MTIF2: variants seen among roughly 807,000 people sequenced by gnomAD.
MTIF2 encodes translation initiation factor IF-2, mitochondrial.
Under a neutral mutation model 83.5 loss-of-function variants are expected in MTIF2, and 71 were observed. The observed-to-expected ratio is 0.85, with a 90% CI of 0.70 to 1.04. The LOEUF (loss-of-function observed/expected upper bound fraction) is 1.04, where lower values mean the gene tolerates loss of function less well. Ranked by LOEUF, MTIF2 falls within the 50% of genes least tolerant of loss-of-function variation. The probability of loss-of-function intolerance (pLI) is 0.00; values close to 1 mark genes in which losing one functional copy is unlikely to be tolerated. For synonymous variants in MTIF2, 319 were observed against 287.1 expected, an observed-to-expected ratio of 1.11 and a Z score of -1.12; for missense variants, 957 against 846.5, an observed-to-expected ratio of 1.13 and a Z score of -1.62.
At chr2:55,254,308 C>T in intron 6 of MTIF2, 107 bp from the exon 7 acceptor site, 1 of 1,284,064 alleles carries the variant, frequency 7.8e-7, no homozygotes, top group Non-Finnish European at 1.1e-6. Flanking sequence ...CAATAAAACC[C>T]AATATTCAGT....
intron 5 of MTIF2, among the ~76,000 whole-genome samples, chr2:55,256,883 G>C (rs921073469): frequency 6.6e-6 from 1 of 151,610 alleles, no homozygotes; most frequent in Non-Finnish European, 1.5e-5. Flanking sequence ...ATTTTTTGTA[G>C]AGAAGGGTTC....
Position 55,242,962 on chromosome 2 carries a change from A to G in MTIF2, c.1683T>C (p.Val561=). The change falls in exon 13 of 16, where the codon GTT becomes GTC. Residue 561 remains valine (V), a synonymous_variant. Transcript: ENST00000263629. ...FGVGDVSAND[V]NLAETFDGVI... ...TACCATCAAATGTTTCAGCAAGGTT[A>G]ACATCATTTGCACTTACATCACCCA... 2 of 1,610,910 alleles carry G rather than the reference A, an allele frequency of 1.2e-6. No individual in the cohort carries two copies. Among genetic ancestry groups the G allele is most frequent in the South Asian group, 1.1e-5 (1 of 90,488 alleles).
intron 5 of MTIF2, among the ~76,000 whole-genome samples, chr2:55,261,060 C>A (rs1376625035): frequency 6.6e-6 from 1 of 151,646 alleles, no homozygotes; most frequent in Non-Finnish European, 1.5e-5. Flanking sequence ...GATCTCGGCT[C>A]ACTGCAAGCT....
intron 7 of MTIF2, among the ~76,000 whole-genome samples, chr2:55,253,344 A>G (rs56887573): frequency 0.076 from 11,549 of 152,242 alleles, 1,407 homozygotes; most frequent in African/African-American, 0.26. Context: ...AAAATTGTAG[A>G]CTCATTAAAT....
At chr2:55,267,086 A>G (rs1264229941) in intron 3 of MTIF2, among the ~76,000 whole-genome samples, 4 of 148,510 alleles carry the variant, frequency 2.7e-5, no homozygotes, top group African/African-American at 7.4e-5. Flanking sequence ...TTACATTTCA[A>G]CCAATCTTCC....
intron 13 of MTIF2, among the ~76,000 whole-genome samples, chr2:55,240,561 T>C (rs1339465873): frequency 1.3e-5 from 2 of 152,002 alleles, no homozygotes; most frequent in East Asian, 3.9e-4. Context: ...CCTGGGCAAA[T>C]AGAGCAAAAC....
chr2:55,249,908 A>G (rs1468747123), intron 8 of MTIF2, among the ~76,000 whole-genome samples: 1 of 152,128 alleles, frequency 6.6e-6, no homozygotes, highest in African/African-American at 2.4e-5. Flanking sequence ...CCTGGCCAAC[A>G]TGGAGAAATC....
At chr2:55,251,302 T>G (rs919550411) in intron 8 of MTIF2, among the ~76,000 whole-genome samples, 3 of 152,058 alleles carry the variant, frequency 2.0e-5, no homozygotes, top group African/African-American at 7.2e-5. Flanking sequence ...CTAGAATCAT[T>G]AAGAACATAG....
Position 55,246,369 on chromosome 2 carries a change from T to C in MTIF2, c.1074A>G (p.Thr358=), listed in dbSNP as rs1558559182. The C allele has an allele frequency of 1.2e-6, 2 of 1,613,888 alleles. No homozygotes were observed. Among genetic ancestry groups the C allele is most frequent in the Non-Finnish European group, 1.7e-6 (2 of 1,179,918 alleles). The change falls in exon 10 of 16, where the codon ACA becomes ACG. Residue 358 remains threonine (T), a synonymous_variant. Transcript: ENST00000263629. ...CTTTGTCTGTGAAAGACTCTATTACTGTTCCTTCCACTGGACCATTGGGAT... is the reference window on the plus strand; with the variant it reads ...CTTTGTCTGTGAAAGACTCTATTACCGTTCCTTCCACTGGACCATTGGGAT... ...KADPNGPVEG[T]VIESFTDKGR...
intron 13 of MTIF2, among the ~76,000 whole-genome samples, chr2:55,240,492 T>C (rs1167404196): frequency 6.6e-6 from 1 of 152,020 alleles, no homozygotes; most frequent in Non-Finnish European, 1.5e-5. Context: ...GACAGGAGAA[T>C]CGCTTGAACC....
At chr2:55,241,709 C>T (rs186844311) in intron 13 of MTIF2, among the ~76,000 whole-genome samples, 16 of 151,722 alleles carry the variant, frequency 1.1e-4, no homozygotes, top group African/African-American at 3.6e-4. Flanking sequence ...CAGGTGTGGT[C>T]GTGGGTGCCT....
rs1321827793 is a variant in MTIF2, at chr2:55,254,637, A to G, written c.503+17T>C. 2 of 1,578,358 alleles carry G rather than the reference A, an allele frequency of 1.3e-6. No homozygotes were observed. On this transcript the variant is annotated intron_variant, in intron 6 of 15. Transcript: ENST00000263629. ...AGTCTCCCCCAAACCCTGCCAGTAT[A>G]TACAGTTAAGTTTTACCTTCTTACA... is the stretch of plus-strand genomic sequence containing the variant.
intron 13 of MTIF2, among the ~76,000 whole-genome samples, chr2:55,242,666 G>A (rs1269240848): frequency 1.3e-5 from 2 of 152,118 alleles, no homozygotes; most frequent in Non-Finnish European, 2.9e-5. Context: ...GGGAGAGGGG[G>A]CAGTAATGGT....
At chr2:55,239,958 T>C in intron 14 of MTIF2, 53 bp downstream of exon 14, 2 of 1,503,280 alleles carry the variant, frequency 1.3e-6, no homozygotes, top group Non-Finnish European at 1.8e-6. Context: ...TGAAGTGCTA[T>C]TTATAGCACC....
In MTIF2 at chr2:55,263,868, G is replaced by GA; in HGVS notation, c.-7-4_-7-3insT. On this transcript the variant is annotated splice_region_variant and splice_polypyrimidine_tract_variant and intron_variant, in intron 3 of 15. Coordinates refer to ENST00000263629, the MANE Select transcript of MTIF2 (RefSeq NM_002453.3). ...GTAGCTTCTGGTTCATGTTTCTCCT[G>GA]GGGAAAAAAAAAAGGTTTTAAAATA... The GA allele has an allele frequency of 6.3e-7, 1 of 1,579,654 alleles. No homozygotes were observed. Among genetic ancestry groups the GA allele is most frequent in the African/African-American group, 1.4e-5 (1 of 72,598 alleles).
At chr2:55,255,939 C>T (rs1161621525) in intron 5 of MTIF2, among the ~76,000 whole-genome samples, 2 of 151,962 alleles carry the variant, frequency 1.3e-5, no homozygotes, top group Non-Finnish European at 2.9e-5. Flanking sequence ...TGCAGTGGGG[C>T]AATCTCGGCT....
chr2:55,238,430 G>C (rs1196264949), intron 14 of MTIF2, among the ~76,000 whole-genome samples: 1 of 96,494 alleles, frequency 1.0e-5, no homozygotes, highest in Admixed American at 1.5e-4. Flanking sequence ...CGCTCTTGTT[G>C]CCCAGGCTGG....
Position 55,244,037 on chromosome 2 carries a change from C to T in MTIF2, c.1303G>A (p.Glu435Lys). ...AATTAAGCTTGATACACCTCAGATT[C>T]TACTTCAAGAATTTCTTCTCCTGCA... ...PSAGEEILEVESEPRAREVVD... is the reference protein window; with the variant it reads ...PSAGEEILEVKSEPRAREVVD... Residue 435 changes from glutamate to lysine, a missense_variant, in exon 11 of 16, where the codon GAA becomes AAA. Transcript: ENST00000263629. 6.2e-7 allele frequency: 1 copy of T among 1,613,738 alleles called. No individual in the cohort carries two copies. Among genetic ancestry groups the T allele is most frequent in the Non-Finnish European group, 8.5e-7 (1 of 1,179,798 alleles).
At chr2:55,236,930 T>C in intron 15 of MTIF2, 110 bp from the exon 16 acceptor site, 1 of 943,248 alleles carries the variant, frequency 1.1e-6, no homozygotes, top group East Asian at 3.0e-5. Flanking sequence ...TTAAAAATTT[T>C]ATGGTCTTGT....
Sources: allele counts gnomAD v4.1 joint callset (sites outside exome capture counted in the v4.1 genomes callset), GRCh38; gene constraint gnomAD v4.1.1; transcripts MANE v1.5; gene names NCBI Gene and HGNC (gene_info 2026-07-23, HGNC 2026-07-21).